PPP6R3: variants seen among roughly 807,000 people sequenced by gnomAD.
The protein encoded by PPP6R3 is protein phosphatase 6 regulatory subunit 3.
In PPP6R3, 38 loss-of-function variants were observed where a neutral mutation model predicts 110.7. The ratio of observed to expected loss-of-function variants is 0.34; its 90% confidence interval spans 0.26 to 0.45. The LOEUF (loss-of-function observed/expected upper bound fraction) is 0.45, where lower values mean the gene tolerates loss of function less well. PPP6R3 is among the 20% of genes least tolerant of loss of function. The pLI is 1.00. For missense variants in PPP6R3, 870 were observed against 1,062.4 expected, an observed-to-expected ratio of 0.82 and a Z score of 2.52; for synonymous variants, 369 against 373.5, an observed-to-expected ratio of 0.99 and a Z score of 0.14.
chr11:68,531,307 T>TTTGATTTA (rs143892274), intron 2 of PPP6R3, among the ~76,000 whole-genome samples: 122 of 137,012 alleles, frequency 8.9e-4, no homozygotes, highest in African/African-American at 3.0e-3. Context: ...TGAGACTGTG[T>TTTGATTTA]TTTATTTATT....
chr11:68,501,557 C>T (rs2099049036), intron 1 of PPP6R3, among the ~76,000 whole-genome samples: 1 of 152,180 alleles, frequency 6.6e-6, no homozygotes, highest in African/African-American at 2.4e-5. Context: ...GAACTCCTGG[C>T]CTCAAGTGAT....
intron 1 of PPP6R3, among the ~76,000 whole-genome samples, chr11:68,470,813 G>A (rs1444805328): frequency 1.3e-5 from 2 of 152,142 alleles, no homozygotes; most frequent in Admixed American, 6.5e-5. Flanking sequence ...TTTGTAGCTG[G>A]TGGGCGTTGC....
At chr11:68,551,403 T>TTA (rs1189699021) in intron 6 of PPP6R3, among the ~76,000 whole-genome samples, 1 of 152,238 alleles carries the variant, frequency 6.6e-6, no homozygotes, top group African/African-American at 2.4e-5. Context: ...CAGGCCCTTG[T>TTA]TATAGCACCA....
chr11:68,598,869 C>A (rs377698944), intron 19 of PPP6R3, among the ~76,000 whole-genome samples: 2 of 152,260 alleles, frequency 1.3e-5, no homozygotes, highest in East Asian at 3.9e-4. Flanking sequence ...TTCAAACATT[C>A]AAGCATTTAT....
intron 14 of PPP6R3, among the ~76,000 whole-genome samples, chr11:68,582,710 CTCTG>C (rs772615132): frequency 2.0e-5 from 3 of 152,350 alleles, no homozygotes; most frequent in South Asian, 2.1e-4. Flanking sequence ...GTGCCATTAC[CTCTG>C]TCTTTCTTTT....
At chr11:68,487,567 C>CAA (rs1229907000) in intron 1 of PPP6R3, among the ~76,000 whole-genome samples, 1 of 132,768 alleles carries the variant, frequency 7.5e-6, no homozygotes, top group African/African-American at 2.8e-5. Context: ...AAGACTGCCT[C>CAA]AAAAAAAAAA....
chr11:68,469,386 C>T (rs2098772905), intron 1 of PPP6R3, among the ~76,000 whole-genome samples: 1 of 151,680 alleles, frequency 6.6e-6, no homozygotes, highest in South Asian at 2.1e-4. Flanking sequence ...GGCTAGAGTG[C>T]AGTGGTTTTT....
Sources: gnomAD v4.1 joint callset for allele counts (sites outside exome capture counted in the v4.1 genomes callset) on GRCh38, gnomAD v4.1.1 for gene constraint, MANE v1.5 for transcripts, NCBI Gene and HGNC (gene_info 2026-07-23, HGNC 2026-07-21) for gene names.